TACC2: variants seen among roughly 807,000 people sequenced by gnomAD.
TACC2 encodes the protein transforming acidic coiled-coil-containing protein 2.
Under a neutral mutation model 227.3 loss-of-function variants are expected in TACC2, and 137 were observed. The ratio of observed to expected loss-of-function variants is 0.60; its 90% confidence interval spans 0.52 to 0.69. TACC2 has a LOEUF of 0.69. TACC2 is among the 30% of genes least tolerant of loss of function. The pLI is 0.00. For missense variants in TACC2, 3,470 were observed against 3,694.4 expected, an observed-to-expected ratio of 0.94 and a Z score of 1.57; for synonymous variants, 1,523 against 1,487.5, an observed-to-expected ratio of 1.02 and a Z score of -0.55.
Position 122,253,843 on chromosome 10 carries a change from CAG to C in TACC2, c.8782-146_8782-145del, listed in dbSNP as rs2096293863. 26 of 647,492 alleles carry C rather than the reference CAG, an allele frequency of 4.0e-5. 1 individual carries two copies. The South Asian group carries it at 4.9e-4, about 12-fold the overall frequency. The allele number at this position is 647,492 out of a possible 1,614,324, so 40.1% of individuals were successfully genotyped here. A position where few individuals can be genotyped will look rare whatever the true frequency, so the allele number is the denominator to read the frequency against. On this transcript the variant is annotated intron_variant, in intron 22 of 22. Coordinates refer to ENST00000369005, the MANE Select transcript of TACC2 (RefSeq NM_206862.4). ...CACAGCTACAGCTGGGATATATACT[CAG>C]ATTGTTTGGCTCCAAGTCATTTGTC...
intron 3 of TACC2, among the ~76,000 whole-genome samples, chr10:122,082,211 G>C (rs1172463370): frequency 2.6e-5 from 4 of 152,190 alleles, no homozygotes; most frequent in Admixed American, 1.3e-4. Flanking sequence ...GGGAGGTTGA[G>C]GTGGGAGCAC....
chr10:122,047,318 A>AAAAC, intron 2 of TACC2, among the ~76,000 whole-genome samples: 1 of 144,168 alleles, frequency 6.9e-6, no homozygotes, highest in Non-Finnish European at 1.5e-5. Context: ...AAAAAAAAGA[A>AAAAC]TCTTTCTTTG....
In TACC2 at chr10:122,249,545, G is replaced by A; in HGVS notation, c.8662G>A (p.Ala2888Thr). 6.2e-7 allele frequency: 1 copy of A among 1,613,958 alleles called. No individual in the cohort carries two copies. The highest frequency in any genetic ancestry group is 8.5e-7 in the Non-Finnish European group (1 of 1,179,898). ...KVHAEEKLDRANAEIAQVRGK... is the reference protein window; with the variant it reads ...KVHAEEKLDRTNAEIAQVRGK... ...ATTCTGAGCTCCCTGTCTCCGCAGG[G>A]CCAATGCTGAGATTGCTCAGGTTCG... The change falls in exon 22 of 23, where the codon GCC becomes ACC. Residue 2888 changes from alanine to threonine, a missense_variant and splice_region_variant. Physicochemically the swap from Ala to Thr is moderately conservative, Grantham distance 58 (BLOSUM62 0). Transcript: ENST00000369005.
At chr10:122,057,280 G>A (rs1403158808) in intron 3 of TACC2, among the ~76,000 whole-genome samples, 7 of 152,134 alleles carry the variant, frequency 4.6e-5, no homozygotes, top group Non-Finnish European at 7.4e-5. Context: ...ACTGACTGGT[G>A]CACTGGAGGG....
rs747566067 is a variant in TACC2, at chr10:122,237,961, A to G, written c.8272A>G (p.Ile2758Val). The part of the protein sequence containing the change: ...DSALQIARAE[I>V]ITKEREVSEW... The stretch of plus-strand genomic sequence containing the variant: ...TTTCTCTTCTTCTCTCTGAAACTAG[A>G]TCATAACCAAGGAGAGAGAGGTCTC... Residue 2758 changes from isoleucine (I) to valine (V), a missense_variant and splice_region_variant, in exon 18 of 23, where the codon ATC (isoleucine) becomes GTC (valine). Ile to Val is a conservative substitution (Grantham distance 29, BLOSUM62 3). This residue lies in a region of TACC2 where 345 missense variants were observed against 354.4 expected (regional missense o/e 0.97). Transcript: ENST00000369005. 5 of 1,612,836 alleles carry G rather than the reference A, an allele frequency of 3.1e-6. No individual in the cohort carries two copies. In the Admixed American group the frequency reaches 8.3e-5, roughly 27 times the overall value.
chr10:122,076,205 G>T (rs965274364), intron 3 of TACC2, among the ~76,000 whole-genome samples: 1 of 152,092 alleles, frequency 6.6e-6, no homozygotes, highest in Middle Eastern at 3.2e-3. Context: ...AGGTGGCGCA[G>T]GACATCACTG....
At chr10:122,057,203 A>T (rs532063029) in intron 3 of TACC2, among the ~76,000 whole-genome samples, 2 of 152,286 alleles carry the variant, frequency 1.3e-5, no homozygotes, top group African/African-American at 4.8e-5. Context: ...AACATAAAAT[A>T]AAAATAAAAT....
At position 122,084,514 on chromosome 10, in the gene TACC2, C is replaced by T. The variant is rs201122938; in HGVS notation, c.2014C>T (p.Pro672Ser). 8.1e-6 allele frequency: 13 copies of T among 1,613,560 alleles called. No individual in the cohort carries two copies. Among genetic ancestry groups the T allele is most frequent in the Non-Finnish European group, 1.1e-5 (13 of 1,180,010 alleles). ...GGGTGAGGAGGACCCCGTCCTGCCC[C>T]CTGTGCCAGATGGAGCTGGTGAGCC... ...KLGEEDPVLPPVPDGAGEPTV... is the reference protein window; with the variant it reads ...KLGEEDPVLPSVPDGAGEPTV... The change falls in exon 4 of 23, where the codon CCT becomes TCT. Residue 672 changes from proline to serine, a missense_variant. Pro to Ser is a moderately conservative substitution (Grantham distance 74). Coordinates refer to ENST00000369005, the MANE Select transcript of TACC2 (RefSeq NM_206862.4).
intron 17 of TACC2, among the ~76,000 whole-genome samples, 167 bp downstream of exon 17, chr10:122,237,705 T>C (rs1047226837): frequency 6.6e-6 from 1 of 152,264 alleles, no homozygotes; most frequent in African/African-American, 2.4e-5. Context: ...TATCGTGTAA[T>C]GGGCCTTTTG....
At chr10:122,206,653 A>C (rs1275794267) in intron 8 of TACC2, among the ~76,000 whole-genome samples, 2 of 152,196 alleles carry the variant, frequency 1.3e-5, no homozygotes, top group Non-Finnish European at 2.9e-5. Context: ...ATGGCAGCCC[A>C]GCAAGCTCAT....
intron 11 of TACC2, among the ~76,000 whole-genome samples, chr10:122,221,604 G>A (rs758029199): frequency 5.9e-5 from 9 of 152,106 alleles, no homozygotes; most frequent in Non-Finnish European, 1.0e-4. Context: ...GCTGGGAGCA[G>A]CCTCCCTGTC....
intron 3 of TACC2, among the ~76,000 whole-genome samples, chr10:122,073,478 CTA>C (rs1452031104): frequency 6.6e-6 from 1 of 152,176 alleles, no homozygotes; most frequent in Non-Finnish European, 1.5e-5. Flanking sequence ...GTTTTGGAAA[CTA>C]TCCATGTCGT....
intron 2 of TACC2, among the ~76,000 whole-genome samples, chr10:122,034,035 C>T (rs1959322720): frequency 6.6e-6 from 1 of 151,502 alleles, no homozygotes; most frequent in Non-Finnish European, 1.5e-5. Context: ...ACCTGTAATC[C>T]CAGTTACTCA....
At chr10:122,037,613 G>T (rs1263094176) in intron 2 of TACC2, among the ~76,000 whole-genome samples, 1 of 152,232 alleles carries the variant, frequency 6.6e-6, no homozygotes, top group Non-Finnish European at 1.5e-5. Flanking sequence ...CTTTTGCTTT[G>T]TTGAGTCCCT....
chr10:122,170,447 T>C (rs1435954603), intron 7 of TACC2, among the ~76,000 whole-genome samples: 2 of 151,730 alleles, frequency 1.3e-5, no homozygotes, highest in South Asian at 2.1e-4. Flanking sequence ...ATTTTTGTAT[T>C]TTTAGTAGAG....
At chr10:122,248,972 A>G in intron 20 of TACC2, 78 bp from the exon 21 acceptor site, 2 of 1,505,956 alleles carry the variant, frequency 1.3e-6, no homozygotes. Context: ...CCTGCATCCG[A>G]GAGTTCCTGG....
chr10:122,132,038 A>AAG (rs1220661065), intron 5 of TACC2, among the ~76,000 whole-genome samples: 1 of 1,240 alleles, frequency 8.1e-4, no homozygotes, highest in Non-Finnish European at 9.8e-3. Flanking sequence ...AAGAAAAAGA[A>AAG]AGAAAGAAAG....
At chr10:122,240,676 A>G (rs913559103) in intron 18 of TACC2, among the ~76,000 whole-genome samples, 4 of 152,002 alleles carry the variant, frequency 2.6e-5, no homozygotes, top group Non-Finnish European at 4.4e-5. Flanking sequence ...GGGGGTCTCT[A>G]TGGTTTTCTG....
intron 5 of TACC2, among the ~76,000 whole-genome samples, chr10:122,092,967 T>C (rs948420896): frequency 2.6e-5 from 4 of 152,234 alleles, no homozygotes; most frequent in African/African-American, 9.6e-5. Flanking sequence ...TAGTGGAAGG[T>C]CTAGAATTTG....
Sources: allele counts gnomAD v4.1 joint callset (sites outside exome capture counted in the v4.1 genomes callset), GRCh38; gene constraint gnomAD v4.1.1; regional missense constraint gnomAD v4.1.1; transcripts MANE v1.5; gene names NCBI Gene and HGNC (gene_info 2026-07-23, HGNC 2026-07-21).